CFHR2: variants seen among roughly 807,000 people sequenced by gnomAD.
The protein encoded by CFHR2 is complement factor H-related protein 2.
In CFHR2, 22 loss-of-function variants were observed where a neutral mutation model predicts 21.7. The observed-to-expected ratio is 1.01, with a 90% CI of 0.72 to 1.45. CFHR2 has a LOEUF of 1.45. CFHR2 is among the 40% of genes most tolerant of loss of function. The probability of loss-of-function intolerance (pLI) is 0.00; values close to 1 mark genes in which losing one functional copy is unlikely to be tolerated. For missense variants in CFHR2, 294 were observed against 293.3 expected, an observed-to-expected ratio of 1.00 and a Z score of -0.02; for synonymous variants, 98 against 97.4, an observed-to-expected ratio of 1.01 and a Z score of -0.04.
chr1:196,953,436 C>G (rs762249558), intron 3 of CFHR2, among the ~76,000 whole-genome samples: 64 of 152,154 alleles, frequency 4.2e-4, no homozygotes, highest in Non-Finnish European at 5.3e-4. Context: ...GCATGTGTCA[C>G]CACACCCAGC....
intron 3 of CFHR2, among the ~76,000 whole-genome samples, chr1:196,952,554 G>T (rs1179180041): frequency 6.6e-6 from 1 of 152,166 alleles, no homozygotes; most frequent in Non-Finnish European, 1.5e-5. Flanking sequence ...GATGGCTATT[G>T]TCAGCCCAAC....
chr1:196,951,048 C>T lies in CFHR2; in HGVS notation c.430+20C>T, dbSNP rs3828032. On this transcript the variant is annotated intron_variant, in intron 3 of 4. Coordinates refer to ENST00000367415, the MANE Select transcript of CFHR2 (RefSeq NM_005666.4). ...CCACTAGTAAGTGCAATGTTGTTCT[C>T]TCAGATGCTGTTATATTATAAAGTG... 0.3 allele frequency: 480,855 copies of T among 1,612,424 alleles called. 73,868 individuals are homozygous for T. The highest frequency in any genetic ancestry group is 0.42 in the African/African-American group (31,316 of 74,862).
At chr1:196,951,080 A>C in intron 3 of CFHR2, 52 bp downstream of exon 3, 1 of 1,594,594 alleles carries the variant, frequency 6.3e-7, no homozygotes, top group South Asian at 1.1e-5. Flanking sequence ...AGTGTAAAAG[A>C]AATAAATCTT....
At position 196,949,294 on chromosome 1, in the gene CFHR2, T is replaced by C; in HGVS notation, c.59-161T>C. The C allele has an allele frequency of 1.9e-5, 12 of 640,450 alleles. No homozygotes were observed. In the South Asian group the frequency reaches 2.5e-4, roughly 13 times the overall value. 39.7% of individuals were successfully genotyped at this position (640,450 alleles called of 1,614,324 possible). ...CAAATACTCGTGTACTCTTAGTTAG[T>C]GATGTCTTTTCATTCCTAATTTGGA... On this transcript the variant is annotated intron_variant, in intron 1 of 4. Transcript: ENST00000367415.
At chr1:196,952,401 C>CA (rs770184256) in intron 3 of CFHR2, among the ~76,000 whole-genome samples, 17 of 126,680 alleles carry the variant, frequency 1.3e-4, no homozygotes, top group Admixed American at 5.2e-4. Context: ...TTAATATTTG[C>CA]AAAAAACAAA....
At chr1:196,949,776 T>C (rs1659658115) in intron 2 of CFHR2, 127 bp downstream of exon 2, 1 of 1,194,298 alleles carries the variant, frequency 8.4e-7, no homozygotes, top group Non-Finnish European at 1.2e-6. Flanking sequence ...ATGGGAGATG[T>C]AGTCCTTCTA....
At chr1:196,950,462 G>GTTTGT (rs368906118) in intron 2 of CFHR2, among the ~76,000 whole-genome samples, 278 of 151,734 alleles carry the variant, frequency 1.8e-3, no homozygotes, top group South Asian at 8.5e-3. Context: ...TTTTTTGTTT[G>GTTTGT]TTTGTTTTGT....
At chr1:196,949,705 T>A (rs1571486481) in intron 2 of CFHR2, 56 bp downstream of exon 2, 1 of 1,600,902 alleles carries the variant, frequency 6.2e-7, no homozygotes, top group Non-Finnish European at 8.6e-7. Context: ...GAGAAGGATA[T>A]GCCAGACAAG....
chr1:196,958,485 A>G (rs1207974875), intron 4 of CFHR2, among the ~76,000 whole-genome samples: 1 of 151,904 alleles, frequency 6.6e-6, no homozygotes, highest in Non-Finnish European at 1.5e-5. Context: ...AGTAAATAAT[A>G]CCATATTATT....
chr1:196,950,333 C>T (rs1305473728), intron 2 of CFHR2, among the ~76,000 whole-genome samples: 1 of 152,016 alleles, frequency 6.6e-6, no homozygotes, highest in Non-Finnish European at 1.5e-5. Context: ...GAAATATTTT[C>T]TTCTATATGT....
Position 196,958,968 on chromosome 1 carries a change from GT to G in CFHR2, c.702del (p.Asp235ThrfsTer2). The G allele has an allele frequency of 6.2e-7, 1 of 1,608,896 alleles. No homozygotes were observed. The highest frequency in any genetic ancestry group is 1.7e-5 in the Admixed American group (1 of 59,874). ...TNQQKLYSRTGDIVEFVCKSG... is the reference protein window; with the variant it reads ...TNQQKLYSRTXDIVEFVCKSG... ...CAACAAAAGCTTTATTCAAGAACAGGTGACATAGTTGAATTTGTTTGTAAAT... is the reference window on the plus strand; with the variant it reads ...CAACAAAAGCTTTATTCAAGAACAGGGACATAGTTGAATTTGTTTGTAAAT... On this transcript the variant is annotated frameshift_variant, in exon 5 of 5. Transcript: ENST00000367415. LOFTEE classifies it low-confidence loss of function (END_TRUNC).
rs182637395 is a variant in CFHR2 at position 196,959,410 on chromosome 1, C to A, written c.*330C>A. On this transcript the variant is annotated 3_prime_UTR_variant, in exon 5 of 5. Transcript: ENST00000367415. ...AGGGTAATTAGTATATCCATTATCTCAAACATTTTTCATTTCTTTGGGTTA... is the reference window on the plus strand; with the variant it reads ...AGGGTAATTAGTATATCCATTATCTAAAACATTTTTCATTTCTTTGGGTTA... 7.2e-5 allele frequency among the ~76,000 whole-genome samples: 11 copies of A among 151,928 alleles called. No individual in the cohort carries two copies. The East Asian group carries it at 2.1e-3, about 29-fold the overall frequency.
chr1:196,959,150 T>C lies in CFHR2; in HGVS notation c.*70T>C. On this transcript the variant is annotated 3_prime_UTR_variant, in exon 5 of 5. Coordinates refer to ENST00000367415, the MANE Select transcript of CFHR2 (RefSeq NM_005666.4). ...TTTACTATTATATTTGTTTTCAATT[T>C]CATTTTTCAAGTACTGTTTTACTCA... The C allele has an allele frequency of 8.8e-7, 1 of 1,138,212 alleles. No individual in the cohort carries two copies. The highest frequency in any genetic ancestry group is 1.3e-6 in the Non-Finnish European group (1 of 799,968). The allele number at this position is 1,138,212 out of a possible 1,614,324, so 70.5% of individuals were successfully genotyped here.
chr1:196,958,284 GA>G (rs1447456062), intron 4 of CFHR2, among the ~76,000 whole-genome samples: 2 of 151,782 alleles, frequency 1.3e-5, no homozygotes, highest in African/African-American at 4.8e-5. Flanking sequence ...TAAATAAAAA[GA>G]ATACATATTT....
At position 196,951,020 on chromosome 1, in the gene CFHR2, G is replaced by C. The variant is rs1312581981; in HGVS notation, c.422G>C (p.Arg141Thr). Residue 141 changes from arginine (R) to threonine (T), a missense_variant, in exon 3 of 5, where the codon AGG (arginine) becomes ACG (threonine). Physicochemically the swap from Arg to Thr is moderately conservative, Grantham distance 71. Coordinates refer to ENST00000367415, the MANE Select transcript of CFHR2 (RefSeq NM_005666.4). ...GGCTGGTCCACTCCTCCCAAATGCA[G>C]GTCCACTAGTAAGTGCAATGTTGTT... ...ERGWSTPPKC[R>T]STISAEKCGP... 2 of 1,613,846 alleles carry C rather than the reference G, an allele frequency of 1.2e-6. No homozygotes were observed. Among genetic ancestry groups the C allele is most frequent in the African/African-American group, 2.7e-5 (2 of 74,884 alleles).
rs745442019 is a variant in CFHR2, at chr1:196,949,553, T to G, written c.157T>G (p.Tyr53Asp). Residue 53 changes from tyrosine to aspartate, a missense_variant, in exon 2 of 5, where the codon TAC becomes GAC. Coordinates refer to ENST00000367415, the MANE Select transcript of CFHR2 (RefSeq NM_005666.4). ...SQVPTGEVFYYSCEYNFVSPS... is the reference protein window; with the variant it reads ...SQVPTGEVFYDSCEYNFVSPS... ...AGTTCCTACAGGGGAAGTTTTCTAT[T>G]ACTCCTGTGAATATAATTTTGTGTC... 2 of 1,614,080 alleles carry G rather than the reference T, an allele frequency of 1.2e-6. No individual in the cohort carries two copies. Among genetic ancestry groups the G allele is most frequent in the Non-Finnish European group, 1.7e-6 (2 of 1,179,976 alleles).
intron 3 of CFHR2, among the ~76,000 whole-genome samples, chr1:196,951,470 A>G (rs572080795): frequency 5.3e-5 from 8 of 152,298 alleles, no homozygotes; most frequent in Non-Finnish European, 1.0e-4. Context: ...TAAGTTTTAG[A>G]AAGTCCATAC....
At chr1:196,957,833 C>T in intron 3 of CFHR2, 58 bp from the exon 4 acceptor site, 5 of 1,507,684 alleles carry the variant, frequency 3.3e-6, no homozygotes, top group Non-Finnish European at 4.6e-6. Context: ...TTGCATTTGC[C>T]TTATTTGAAC....
chr1:196,955,888 A>C (rs993694799), intron 3 of CFHR2, among the ~76,000 whole-genome samples: 2 of 152,110 alleles, frequency 1.3e-5, no homozygotes, highest in Admixed American at 6.6e-5. Flanking sequence ...GGTTTAATTG[A>C]CTCACAGTTC....
Sources: gnomAD v4.1 joint callset for allele counts (sites outside exome capture counted in the v4.1 genomes callset) on GRCh38, gnomAD v4.1.1 for gene constraint, MANE v1.5 for transcripts, NCBI Gene and HGNC (gene_info 2026-07-23, HGNC 2026-07-21) for gene names.